The following ITGA1 variants were observed in gnomAD, a reference collection of about 807,000 sequenced individuals.
ITGA1 encodes integrin alpha-1.
Under a neutral mutation model 145.9 loss-of-function variants are expected in ITGA1, and 85 were observed. The observed-to-expected ratio is 0.58, with a 90% CI of 0.49 to 0.70. The LOEUF is 0.70. Among genes scored for constraint, ITGA1 ranks in the 30% least tolerant of loss-of-function variants. The pLI is 0.00. For synonymous variants in ITGA1, 520 were observed against 495.3 expected, an observed-to-expected ratio of 1.05 and a Z score of -0.66; for missense variants, 1,351 against 1,418.7, an observed-to-expected ratio of 0.95 and a Z score of 0.77.
chr5:52,900,251 C>A (rs1343461041), intron 11 of ITGA1, among the ~76,000 whole-genome samples: 1 of 152,144 alleles, frequency 6.6e-6, no homozygotes, highest in Non-Finnish European at 1.5e-5. Context: ...CAAGAACCAG[C>A]TTAACCTGAG....
rs186979967 is a variant in ITGA1 at position 52,947,127 on chromosome 5, A to G, written c.3379-218A>G. Among the ~76,000 whole-genome samples, 796 of 152,328 alleles carry G rather than the reference A, an allele frequency of 5.2e-3. 4 individuals carry two copies. Among genetic ancestry groups the G allele is most frequent in the Middle Eastern group, 0.041 (12 of 294 alleles). Reference sequence around the variant, plus strand: ...TTAACCCTTTATGTATAAATTTCAGAAGGATAATATTATAAATACCTTTTG... The same window carrying G: ...TTAACCCTTTATGTATAAATTTCAGGAGGATAATATTATAAATACCTTTTG... On this transcript the variant is annotated intron_variant, in intron 27 of 28. Coordinates refer to ENST00000282588, the MANE Select transcript of ITGA1 (RefSeq NM_181501.2).
At chr5:52,802,825 G>A (rs867150548) in intron 1 of ITGA1, 1 of 152,176 alleles carries the variant, frequency 6.6e-6, no homozygotes, top group African/African-American at 2.4e-5. Flanking sequence ...CACATGACTA[G>A]TATGTGGCAG....
chr5:52,877,597 C>T (rs560226654), intron 6 of ITGA1, among the ~76,000 whole-genome samples: 5 of 152,320 alleles, frequency 3.3e-5, no homozygotes, highest in African/African-American at 1.2e-4. Flanking sequence ...TACACCACCT[C>T]TTAATGTACA....
intron 16 of ITGA1, 72 bp downstream of exon 16, chr5:52,918,970 G>T: frequency 8.0e-7 from 1 of 1,254,860 alleles, no homozygotes; most frequent in Non-Finnish European, 1.1e-6. Context: ...ATGAAGTCCA[G>T]TAGGATATTG....
chr5:52,941,670 A>G (rs561961163), intron 26 of ITGA1, among the ~76,000 whole-genome samples: 1 of 152,198 alleles, frequency 6.6e-6, no homozygotes, highest in Admixed American at 6.5e-5. Context: ...CTTATTCTGG[A>G]TATTAGACCT....
At chr5:52,798,249 C>G (rs778043153) in intron 1 of ITGA1, among the ~76,000 whole-genome samples, 1 of 151,992 alleles carries the variant, frequency 6.6e-6, no homozygotes, top group Non-Finnish European at 1.5e-5. Context: ...TGAGGGTACT[C>G]AGTATGATAG....
At chr5:52,926,399 G>A (rs952897436) in intron 19 of ITGA1, among the ~76,000 whole-genome samples, 3 of 152,014 alleles carry the variant, frequency 2.0e-5, no homozygotes, top group Non-Finnish European at 4.4e-5. Flanking sequence ...TCAGGAGATC[G>A]AGACCATCCA....
chr5:52,930,708 G>A (rs1196355594), intron 21 of ITGA1, among the ~76,000 whole-genome samples: 1 of 152,062 alleles, frequency 6.6e-6, no homozygotes, highest in East Asian at 1.9e-4. Flanking sequence ...AGCACCAGGT[G>A]GAGCATTTCA....
chr5:52,951,005 A>C lies in ITGA1; in HGVS notation c.3496-1402A>C. Among the ~76,000 whole-genome samples the C allele has an allele frequency of 2.0e-5, 3 of 152,268 alleles. No homozygotes were observed. In the South Asian group the frequency reaches 6.2e-4, roughly 32 times the overall value. On this transcript the variant is annotated intron_variant, in intron 28 of 28. Coordinates refer to ENST00000282588, the MANE Select transcript of ITGA1 (RefSeq NM_181501.2). ...TGGGGAAGAAAAACTTATTGTTTTC[A>C]TGTGTATTTGTTCCGTTACCGCCTT...
chr5:52,910,152 T>C lies in ITGA1; in HGVS notation c.1600-10T>C, dbSNP rs765254582. The C allele has an allele frequency of 3.1e-6, 5 of 1,598,088 alleles. No homozygotes were observed. The highest frequency in any genetic ancestry group is 4.3e-6 in the Non-Finnish European group (5 of 1,167,486). ...GAAATACATAAATATCCTGTTTATC[T>C]TTCTTCCAGACAAGGTTTGAATATC... On this transcript the variant is annotated splice_polypyrimidine_tract_variant and intron_variant, in intron 13 of 28. Coordinates refer to ENST00000282588, the MANE Select transcript of ITGA1 (RefSeq NM_181501.2).
chr5:52,837,347 C>T (rs571129898), intron 1 of ITGA1, among the ~76,000 whole-genome samples: 14 of 152,196 alleles, frequency 9.2e-5, no homozygotes, highest in Admixed American at 8.5e-4. Context: ...CCAGACTCAC[C>T]AATCAATTAG....
intron 9 of ITGA1, among the ~76,000 whole-genome samples, chr5:52,896,191 G>A (rs757294322): frequency 6.6e-6 from 1 of 152,096 alleles, no homozygotes; most frequent in Non-Finnish European, 1.5e-5. Context: ...GAATATAGTG[G>A]TCTATTACCA....
At chr5:52,863,640 T>G (rs1749641271) in intron 3 of ITGA1, among the ~76,000 whole-genome samples, 1 of 152,126 alleles carries the variant, frequency 6.6e-6, no homozygotes, top group South Asian at 2.1e-4. Flanking sequence ...TTCCTAGAAT[T>G]TATAGTTGTG....
intron 6 of ITGA1, among the ~76,000 whole-genome samples, chr5:52,869,922 C>CCATT (rs1749753367): frequency 6.6e-6 from 1 of 151,886 alleles, no homozygotes; most frequent in Admixed American, 6.6e-5. Flanking sequence ...ATTTACCAAG[C>CCATT]CATTGCTTTT....
intron 23 of ITGA1, 149 bp from the exon 24 acceptor site, chr5:52,937,252 C>G: frequency 1.6e-6 from 1 of 613,944 alleles, no homozygotes; most frequent in Non-Finnish European, 2.9e-6. Flanking sequence ...TGCCAATTCT[C>G]TGTACAGCAC....
At chr5:52,801,348 GA>G in intron 1 of ITGA1, 1 of 1,415,902 alleles carries the variant, frequency 7.1e-7, no homozygotes, top group Non-Finnish European at 9.7e-7. Flanking sequence ...AAGCCTTTGT[GA>G]GCTGATTAAT....
At chr5:52,934,834 G>A (rs539276783) in intron 23 of ITGA1, among the ~76,000 whole-genome samples, 8 of 151,892 alleles carry the variant, frequency 5.3e-5, no homozygotes, top group Admixed American at 1.3e-4. Flanking sequence ...ATAAATAAAC[G>A]TATACTCCCA....
Position 52,909,912 on chromosome 5 carries a change from A to G in ITGA1, c.1600-250A>G, listed in dbSNP as rs555144751. Among the ~76,000 whole-genome samples the G allele has an allele frequency of 2.6e-5, 4 of 152,210 alleles. No individual in the cohort carries two copies. In the South Asian group the frequency reaches 8.3e-4, roughly 32 times the overall value. On this transcript the variant is annotated intron_variant, in intron 13 of 28. Coordinates refer to ENST00000282588, the MANE Select transcript of ITGA1 (RefSeq NM_181501.2). ...TATAATATTATTTGGCCTGAAAAAG[A>G]TGCTCTGAATTGTATACTCAATTGC...
chr5:52,867,056 G>T (rs1749699552), intron 6 of ITGA1: 1 of 149,194 alleles, frequency 6.7e-6, no homozygotes, highest in South Asian at 2.1e-4. Flanking sequence ...TTTGGGAGAA[G>T]TTTCTGAGGC....
Sources: allele counts gnomAD v4.1 joint callset (sites outside exome capture counted in the v4.1 genomes callset), GRCh38; gene constraint gnomAD v4.1.1; transcripts MANE v1.5; gene names NCBI Gene and HGNC (gene_info 2026-07-23, HGNC 2026-07-21).